The following SOX5 variants were observed in gnomAD, a reference collection of about 807,000 sequenced individuals.
SOX5 encodes transcription factor SOX-5.
In SOX5, 9 loss-of-function variants were observed where a neutral mutation model predicts 92.0. The observed-to-expected ratio is 0.10, with a 90% CI of 0.06 to 0.17. The LOEUF (loss-of-function observed/expected upper bound fraction) is 0.17. Among genes scored for constraint, SOX5 ranks in the 10% least tolerant of loss-of-function variants. The pLI, the probability that SOX5 is intolerant of heterozygous loss-of-function variation, is 1.00. For synonymous variants in SOX5, 344 were observed against 336.3 expected (o/e 1.02, Z -0.25); for missense variants, 642 against 944.5 (o/e 0.68, Z 4.20).
intron 4 of SOX5, among the ~76,000 whole-genome samples, chr12:24,191,144 G>A (rs1172369421): frequency 6.6e-6 from 1 of 152,156 alleles, no homozygotes; most frequent in Non-Finnish European, 1.5e-5. Flanking sequence ...AGTGAGATAA[G>A]CAGTATGCAT....
chr12:23,922,068 C>A (rs1938442831), intron 1 of SOX5, among the ~76,000 whole-genome samples: 2 of 152,096 alleles, frequency 1.3e-5, no homozygotes, highest in South Asian at 4.1e-4. Context: ...CAGACAACTC[C>A]CCCCCTGGGC....
At chr12:24,356,045 T>C (rs2141215189) in intron 2 of SOX5, among the ~76,000 whole-genome samples, 1 of 152,344 alleles carries the variant, frequency 6.6e-6, no homozygotes, top group South Asian at 2.1e-4. Flanking sequence ...AGGGGAGATA[T>C]TTCACATAAA....
intron 4 of SOX5, among the ~76,000 whole-genome samples, chr12:24,157,936 G>A (rs1274851573): frequency 6.6e-6 from 1 of 151,962 alleles, no homozygotes; most frequent in Admixed American, 6.6e-5. Context: ...TCCAAAATAA[G>A]GTAGTATATA....
At chr12:24,071,914 T>C (rs1218099870) in intron 4 of SOX5, among the ~76,000 whole-genome samples, 1 of 152,184 alleles carries the variant, frequency 6.6e-6, no homozygotes, top group Non-Finnish European at 1.5e-5. Flanking sequence ...ATTATAAAAA[T>C]TGAAAGTTAG....
chr12:23,992,961 A>T (rs1426514769), intron 4 of SOX5, among the ~76,000 whole-genome samples: 1 of 152,192 alleles, frequency 6.6e-6, no homozygotes. Context: ...CAAAATAATT[A>T]TAGTATGTGA....
intron 2 of SOX5, among the ~76,000 whole-genome samples, chr12:24,296,795 G>A: frequency 7.0e-6 from 1 of 142,872 alleles, no homozygotes; most frequent in South Asian, 2.3e-4. Flanking sequence ...AAGCAAATCT[G>A]TAATCGGCAG....
At chr12:23,698,479 A>G (rs989741207) in intron 6 of SOX5, among the ~76,000 whole-genome samples, 4 of 152,106 alleles carry the variant, frequency 2.6e-5, no homozygotes, top group African/African-American at 9.7e-5. Context: ...GTATTTTCAG[A>G]TCTCTGATAT....
At chr12:23,680,790 G>A (rs914613113) in intron 6 of SOX5, among the ~76,000 whole-genome samples, 1 of 152,042 alleles carries the variant, frequency 6.6e-6, no homozygotes, top group East Asian at 1.9e-4. Context: ...GTGATAATTA[G>A]TTTAACAATA....
chr12:24,277,346 T>C (rs1282171479), intron 2 of SOX5: 1 of 138,980 alleles, frequency 7.2e-6, no homozygotes, highest in East Asian at 2.0e-4. Flanking sequence ...TAACAGTGCA[T>C]TGTTTTATTT....
chr12:23,792,920 A>C (rs968042696), intron 3 of SOX5, among the ~76,000 whole-genome samples: 1 of 152,142 alleles, frequency 6.6e-6, no homozygotes, highest in Non-Finnish European at 1.5e-5. Flanking sequence ...TCTGTCACTA[A>C]GTAGTCTTAA....
At chr12:23,895,754 A>C in intron 2 of SOX5, 39 bp downstream of exon 2, 1 of 1,453,664 alleles carries the variant, frequency 6.9e-7, no homozygotes, top group South Asian at 1.1e-5. Context: ...AGACTGGTCA[A>C]AAAGTGAGTG....
chr12:23,963,867 C>T (rs1230970802), intron 4 of SOX5, among the ~76,000 whole-genome samples: 1 of 150,440 alleles, frequency 6.6e-6, no homozygotes, highest in African/African-American at 2.4e-5. Context: ...GCAAATAAAC[C>T]AGGCTGCTAA....
chr12:24,117,413 A>C (rs189837836), intron 4 of SOX5, among the ~76,000 whole-genome samples: 1 of 152,020 alleles, frequency 6.6e-6, no homozygotes, highest in African/African-American at 2.4e-5. Flanking sequence ...GTTCCTCAAA[A>C]AAACTAAAAA....
chr12:23,600,680 G>A (rs1430954759), intron 9 of SOX5, among the ~76,000 whole-genome samples: 2 of 151,372 alleles, frequency 1.3e-5, no homozygotes, highest in Non-Finnish European at 2.9e-5. Context: ...AACTCAACAA[G>A]CAACAATATG....
At chr12:24,180,401 G>A (rs1011001380) in intron 4 of SOX5, among the ~76,000 whole-genome samples, 2 of 152,062 alleles carry the variant, frequency 1.3e-5, no homozygotes, top group African/African-American at 4.8e-5. Flanking sequence ...TATATGTCTT[G>A]TAAATTCAGT....
At chr12:23,589,080 A>G (rs562171135) in intron 9 of SOX5, among the ~76,000 whole-genome samples, 2 of 152,010 alleles carry the variant, frequency 1.3e-5, no homozygotes, top group South Asian at 2.1e-4. Flanking sequence ...ACATATCCCC[A>G]TCATTAAGTG....
rs112110577 is a variant in SOX5, at chr12:24,388,744, C to T, written c.-250-20105G>A. On this transcript the variant is annotated intron_variant, in intron 1 of 4. Coordinates refer to the SOX5 transcript ENST00000446891. ...GTCACCCCAGAAAGAAACTCCATGCCCCATCAGCAGTCATTCCCAATTTCT... is the reference window on the plus strand; with the variant it reads ...GTCACCCCAGAAAGAAACTCCATGCTCCATCAGCAGTCATTCCCAATTTCT... Among the ~76,000 whole-genome samples the T allele has an allele frequency of 1.1e-4, 16 of 152,190 alleles. No individual in the cohort carries two copies. The East Asian group carries it at 3.1e-3, about 29-fold the overall frequency.
intron 1 of SOX5, among the ~76,000 whole-genome samples, chr12:24,454,156 G>A (rs955482939): frequency 2.0e-5 from 3 of 152,026 alleles, no homozygotes; most frequent in Non-Finnish European, 4.4e-5. Flanking sequence ...TAAGTATTCC[G>A]TGAATAAACC....
chr12:24,223,931 T>C (rs1483149728), intron 3 of SOX5, among the ~76,000 whole-genome samples: 1 of 152,208 alleles, frequency 6.6e-6, no homozygotes, highest in Admixed American at 6.5e-5. Flanking sequence ...ACGCAATTCT[T>C]CAGGCAGGTG....
Sources: allele counts gnomAD v4.1 joint callset (sites outside exome capture counted in the v4.1 genomes callset), GRCh38; gene constraint gnomAD v4.1.1; transcripts MANE v1.5; gene names NCBI Gene and HGNC (gene_info 2026-07-23, HGNC 2026-07-21).